Variants in ENO3 observed in about 807,000 individuals in gnomAD.
The protein encoded by ENO3 is beta-enolase.
In ENO3, 46 loss-of-function variants were observed where a neutral mutation model predicts 47.7. That is an observed-to-expected ratio of 0.96 (90% CI 0.76 to 1.23). The LOEUF (loss-of-function observed/expected upper bound fraction) is 1.23, where lower values mean the gene tolerates loss of function less well. Ranked by LOEUF, ENO3 falls within the 50% of genes most tolerant of loss-of-function variation. The pLI is 0.00. For synonymous variants in ENO3, 223 were observed against 225.9 expected, an observed-to-expected ratio of 0.99 and a Z score of 0.11; for missense variants, 575 against 566.2, an observed-to-expected ratio of 1.02 and a Z score of -0.16.
intron 3 of ENO3, 43 bp from the exon 4 acceptor site, chr17:4,953,008 C>T: frequency 6.2e-7 from 1 of 1,612,902 alleles, no homozygotes; most frequent in South Asian, 1.1e-5. Flanking sequence ...CAGAAAGGGG[C>T]CCAGTTGATT....
upstream of ENO3, chr17:4,950,683 G>T (rs967721804): frequency 1.0e-6 from 1 of 984,520 alleles, no homozygotes; most frequent in African/African-American, 1.8e-5. Flanking sequence ...CCCCCACTGA[G>T]GACAGAGGCC....
At position 4,951,824 on chromosome 17, in the gene ENO3, G is replaced by A. The variant is rs373310763; in HGVS notation, c.-2-4G>A. ...TACACTCACTCACACCTCCTGTCCTGCAGCCATGGCCATGCAGAAAATCTT... is the reference window on the plus strand; with the variant it reads ...TACACTCACTCACACCTCCTGTCCTACAGCCATGGCCATGCAGAAAATCTT... On this transcript the variant is annotated splice_polypyrimidine_tract_variant and splice_region_variant and intron_variant, in intron 1 of 11. Coordinates refer to ENST00000519602, the MANE Select transcript of ENO3 (RefSeq NM_053013.4). 1 of 1,613,970 alleles carries A rather than the reference G, an allele frequency of 6.2e-7. No individual in the cohort carries two copies. Among genetic ancestry groups the A allele is most frequent in the East Asian group, 2.2e-5 (1 of 44,872 alleles).
intron 6 of ENO3, among the ~76,000 whole-genome samples, chr17:4,954,618 A>C (rs547115572): frequency 1.3e-5 from 2 of 152,338 alleles, no homozygotes; most frequent in Admixed American, 6.5e-5. Context: ...CATTTTACAG[A>C]AATGAGGAAA....
chr17:4,950,726 T>C (rs1870245203), upstream of ENO3: 1 of 961,354 alleles, frequency 1.0e-6, no homozygotes, highest in Middle Eastern at 5.3e-4. Context: ...TGGACGTCAA[T>C]CTTGCAGCCC....
intron 2 of ENO3, 112 bp downstream of exon 2, chr17:4,952,026 C>G (rs746700007): frequency 8.3e-7 from 1 of 1,209,708 alleles, no homozygotes; most frequent in Non-Finnish European, 1.2e-6. Context: ...CTTTCCCAGA[C>G]TTCTTCCCAA....
Position 4,954,389 on chromosome 17 carries a change from A to G in ENO3, c.444+544A>G, listed in dbSNP as rs1050660391. Among the ~76,000 whole-genome samples the G allele has an allele frequency of 2.6e-5, 4 of 152,188 alleles. No individual in the cohort carries two copies. In the South Asian group the frequency reaches 6.2e-4, roughly 24 times the overall value. On this transcript the variant is annotated intron_variant, in intron 6 of 11. Coordinates refer to ENST00000519602, the MANE Select transcript of ENO3 (RefSeq NM_053013.4). ...GCAAGTTCTTTAACTGCTCTGTCTCAGTTTCCCCATCTGTAAAATGGGGGG... is the reference window on the plus strand; with the variant it reads ...GCAAGTTCTTTAACTGCTCTGTCTCGGTTTCCCCATCTGTAAAATGGGGGG...
chr17:4,954,337 T>A (rs1412822779), intron 6 of ENO3: 2 of 186,010 alleles, frequency 1.1e-5, no homozygotes, highest in Non-Finnish European at 2.3e-5. Flanking sequence ...ATCCTGGCTC[T>A]GCCTGTTATT....
At position 4,953,451 on chromosome 17, in the gene ENO3, C is replaced by T. The variant is rs1257889540; in HGVS notation, c.310+110C>T. ...CTGGGTCCCCCATTTTGGGTCACACCGCAGCTGGATGGATTTGTGTTCATT... is the reference window on the plus strand; with the variant it reads ...CTGGGTCCCCCATTTTGGGTCACACTGCAGCTGGATGGATTTGTGTTCATT... On this transcript the variant is annotated intron_variant, in intron 5 of 11. Transcript: ENST00000519602. 77 of 1,489,876 alleles carry T rather than the reference C, an allele frequency of 5.2e-5. 1 individual carries two copies. In the South Asian group the frequency reaches 8.1e-4, roughly 16 times the overall value. 92.3% of individuals were successfully genotyped at this position (1,489,876 alleles called of 1,614,324 possible).
In ENO3 at chr17:4,955,465, C is replaced by G. The variant is rs766583341; in HGVS notation, c.726C>G (p.Ile242Met). Residue 242 changes from isoleucine (I) to methionine (M), a missense_variant, in exon 8 of 12, where the codon ATC (isoleucine) becomes ATG (methionine). Physicochemically the swap from Ile to Met is conservative, Grantham distance 10. Coordinates refer to ENST00000519602, the MANE Select transcript of ENO3 (RefSeq NM_053013.4). ...QAAGYPDKVV[I>M]GMDVAASEFY... ...CTGGTTACCCAGACAAGGTGGTGAT[C>G]GGCATGGATGTGGCAGCATCTGAGT... 6.8e-6 allele frequency: 11 copies of G among 1,614,092 alleles called. No individual in the cohort carries two copies. The highest frequency in any genetic ancestry group is 7.6e-6 in the Non-Finnish European group (9 of 1,180,048).
chr17:4,951,049 A>T (rs1440643691), upstream of ENO3: 1 of 986,038 alleles, frequency 1.0e-6, no homozygotes, highest in African/African-American at 1.7e-5. Context: ...GGATGGAGAG[A>T]AAGAGAGGCG....
intron 2 of ENO3, 67 bp from the exon 3 acceptor site, chr17:4,952,728 C>T (rs1971579565): frequency 4.0e-6 from 6 of 1,499,448 alleles, no homozygotes; most frequent in African/African-American, 1.4e-5. Context: ...TCTCAAAGTG[C>T]TGGGATTACA....
chr17:4,955,546 G>C lies in ENO3; in HGVS notation c.807G>C (p.Arg269=). 13 of 1,614,224 alleles carry C rather than the reference G, an allele frequency of 8.1e-6. No homozygotes were observed. The highest frequency in any genetic ancestry group is 1.0e-5 in the Non-Finnish European group (12 of 1,180,038). The stretch of plus-strand genomic sequence containing the variant: ...TCAAGTCGCCTGATGATCCCGCACG[G>C]CACATCACTGGGGAGAAGCTCGGAG... ...LDFKSPDDPA[R]HITGEKLGEL... Residue 269 remains arginine (R), a synonymous_variant, in exon 8 of 12, where the codon CGG becomes CGC. Transcript: ENST00000519602.
intron 6 of ENO3, 102 bp from the exon 7 acceptor site, chr17:4,954,973 G>A: frequency 1.0e-6 from 1 of 995,512 alleles, no homozygotes; most frequent in South Asian, 1.4e-5. Context: ...CACTGAGCTA[G>A]TAAGTAGGGA....
chr17:4,952,949 A>C, intron 3 of ENO3, 59 bp downstream of exon 3: 2 of 1,610,666 alleles, frequency 1.2e-6, no homozygotes, highest in Admixed American at 3.4e-5. Context: ...ATGGGTGCAC[A>C]ATGGGTAGAG....
chr17:4,956,132 A>C lies in ENO3; in HGVS notation c.1056A>C (p.Glu352Asp). Residue 352 changes from glutamate (E) to aspartate (D), a missense_variant, in exon 9 of 12, where the codon GAA becomes GAC. Coordinates refer to ENST00000519602, the MANE Select transcript of ENO3 (RefSeq NM_053013.4). ...TCAACCAGATCGGCTCGGTGACCGA[A>C]TCGATCCAGGCGTGAGTGCCTCCTG... The part of the protein sequence containing the change: ...LKVNQIGSVT[E>D]SIQACKLAQS... 1 of 1,613,656 alleles carries C rather than the reference A, an allele frequency of 6.2e-7. No homozygotes were observed. Among genetic ancestry groups the C allele is most frequent in the Non-Finnish European group, 8.5e-7 (1 of 1,179,910 alleles).
chr17:4,949,178 C>T (rs1233636568), upstream of ENO3: 3 of 152,252 alleles, frequency 2.0e-5, no homozygotes, highest in Non-Finnish European at 4.4e-5. Flanking sequence ...CTTGATTTTA[C>T]TTATTCAAGT....
At position 4,955,545 on chromosome 17, in the gene ENO3, G is replaced by A. The variant is rs754758809; in HGVS notation, c.806G>A (p.Arg269Gln). The A allele has an allele frequency of 1.6e-5, 26 of 1,614,088 alleles. No homozygotes were observed. The highest frequency in any genetic ancestry group is 1.5e-4 in the Admixed American group (9 of 60,008). ...LDFKSPDDPA[R>Q]HITGEKLGEL... is the part of the protein sequence containing the mutation. ...TTCAAGTCGCCTGATGATCCCGCAC[G>A]GCACATCACTGGGGAGAAGCTCGGA... The change falls in exon 8 of 12, where the codon CGG becomes CAG. Residue 269 changes from arginine (R) to glutamine (Q), a missense_variant. Coordinates refer to ENST00000519602, the MANE Select transcript of ENO3 (RefSeq NM_053013.4).
intron 8 of ENO3, 64 bp from the exon 9 acceptor site, chr17:4,955,868 CTGCTCTGTCT>C: frequency 3.3e-6 from 1 of 302,370 alleles, no homozygotes; most frequent in African/African-American, 3.0e-5. Flanking sequence ...TGCCCTGTCT[CTGCTCTGTCT>C]CTGCCCTGTC....
At chr17:4,951,781 C>T (rs773047730) in intron 1 of ENO3, 47 bp from the exon 2 acceptor site, 4 of 1,591,966 alleles carry the variant, frequency 2.5e-6, no homozygotes, top group Non-Finnish European at 3.4e-6. Context: ...TTTCTGGTTC[C>T]TTAAGAGATC....
Sources: allele counts gnomAD v4.1 joint callset (sites outside exome capture counted in the v4.1 genomes callset), GRCh38; gene constraint gnomAD v4.1.1; transcripts MANE v1.5; gene names NCBI Gene and HGNC (gene_info 2026-07-23, HGNC 2026-07-21).